The following LMX1A variants were observed in gnomAD, a reference collection of about 807,000 sequenced individuals.
LMX1A encodes the protein LIM homeobox transcription factor 1 alpha.
A neutral mutation model predicts 49.1 loss-of-function variants in LMX1A; 15 were observed. The ratio of observed to expected loss-of-function variants is 0.31; its 90% CI spans 0.20 to 0.47. LMX1A has a LOEUF of 0.47. LMX1A is among the 20% of genes least tolerant of loss of function. The probability of loss-of-function intolerance (pLI) is 1.00; values close to 1 mark genes in which losing one functional copy is unlikely to be tolerated. For synonymous variants in LMX1A, 167 were observed against 185.7 expected (o/e 0.90, Z 0.82); for missense variants, 372 against 475.8 (o/e 0.78, Z 2.03).
chr1:165,310,813 A>G (rs993811379), intron 3 of LMX1A, among the ~76,000 whole-genome samples: 3 of 152,268 alleles, frequency 2.0e-5, no homozygotes, highest in African/African-American at 7.2e-5. Context: ...TGCATTGCTC[A>G]GGCATTTGCA....
Position 165,215,567 on chromosome 1 carries a change from C to T in LMX1A, c.497-1754G>A, listed in dbSNP as rs116035744. 4.6e-3 allele frequency among the ~76,000 whole-genome samples: 693 copies of T among 152,290 alleles called. 1 individual carries two copies. The highest frequency in any genetic ancestry group is 7.9e-3 in the Non-Finnish European group (535 of 68,028). On this transcript the variant is annotated intron_variant, in intron 4 of 8. Coordinates refer to ENST00000342310, the MANE Select transcript of LMX1A (RefSeq NM_177398.4). Reference sequence around the variant, plus strand: ...CTCCTGTCCTCCTCTGTGAAGGATGCCCATGGGCCTATGCTGTTTTAGTGT... The same window carrying T: ...CTCCTGTCCTCCTCTGTGAAGGATGTCCATGGGCCTATGCTGTTTTAGTGT...
chr1:165,278,655 T>A (rs1654044434), intron 3 of LMX1A, among the ~76,000 whole-genome samples: 1 of 152,214 alleles, frequency 6.6e-6, no homozygotes, highest in African/African-American at 2.4e-5. Context: ...CACCTTCTTC[T>A]GGCCTACCTC....
At chr1:165,231,616 T>C (rs1652244041) in intron 4 of LMX1A, among the ~76,000 whole-genome samples, 1 of 152,252 alleles carries the variant, frequency 6.6e-6, no homozygotes, top group Non-Finnish European at 1.5e-5. Flanking sequence ...CTTTTCTTTA[T>C]ACTAGAAGAG....
At chr1:165,264,346 T>C (rs1653548346) in intron 3 of LMX1A, among the ~76,000 whole-genome samples, 1 of 152,132 alleles carries the variant, frequency 6.6e-6, no homozygotes, top group Non-Finnish European at 1.5e-5. Flanking sequence ...AAAATCCCTG[T>C]GAAACAGGAT....
chr1:165,291,512 T>A (rs1654466134), intron 3 of LMX1A, among the ~76,000 whole-genome samples: 1 of 152,216 alleles, frequency 6.6e-6, no homozygotes, highest in African/African-American at 2.4e-5. Context: ...GCATGTCTAA[T>A]CATCTATGAC....
chr1:165,333,049 G>A (rs905773570), intron 3 of LMX1A, among the ~76,000 whole-genome samples: 2 of 152,148 alleles, frequency 1.3e-5, no homozygotes, highest in Non-Finnish European at 2.9e-5. Flanking sequence ...TTGGAGCCTC[G>A]ATTTCCTTAT....
intron 4 of LMX1A, among the ~76,000 whole-genome samples, chr1:165,245,410 C>A (rs1303368967): frequency 6.6e-6 from 1 of 152,236 alleles, no homozygotes; most frequent in Non-Finnish European, 1.5e-5. Context: ...TACGTTGAAC[C>A]AAAATCTGTC....
intron 4 of LMX1A, among the ~76,000 whole-genome samples, chr1:165,219,398 C>A (rs985127005): frequency 6.6e-6 from 1 of 151,952 alleles, no homozygotes; most frequent in Admixed American, 6.5e-5. Context: ...TCATAAATGT[C>A]TTTTAGACAG....
intron 3 of LMX1A, among the ~76,000 whole-genome samples, chr1:165,255,700 T>G (rs1653211214): frequency 6.6e-6 from 1 of 152,140 alleles, no homozygotes. Context: ...CTGGTCAGGT[T>G]CAGTGGCTCA....
chr1:165,256,226 C>G (rs1413536452), intron 3 of LMX1A, among the ~76,000 whole-genome samples: 1 of 152,102 alleles, frequency 6.6e-6, no homozygotes, highest in Non-Finnish European at 1.5e-5. Flanking sequence ...GCCATCCTGC[C>G]CTAGGTGAGG....
intron 4 of LMX1A, among the ~76,000 whole-genome samples, chr1:165,219,541 C>T (rs1187734608): frequency 6.6e-6 from 1 of 152,136 alleles, no homozygotes; most frequent in Non-Finnish European, 1.5e-5. Context: ...ACTAAAATTC[C>T]ATTCTCCCTG....
At chr1:165,235,207 G>A (rs574478736) in intron 4 of LMX1A, among the ~76,000 whole-genome samples, 305 of 152,228 alleles carry the variant, frequency 2.0e-3, no homozygotes, top group African/African-American at 6.9e-3. Context: ...CAGAAGACCC[G>A]GGAGCTAGGA....
rs574623463 is a variant in LMX1A at position 165,302,463 on chromosome 1, A to G, written c.263+50613T>C. On this transcript the variant is annotated intron_variant, in intron 3 of 8. Coordinates refer to ENST00000342310, the MANE Select transcript of LMX1A (RefSeq NM_177398.4). ...CATCAAAAAAAATAAAATAAAATAA[A>G]GGAAAAAAAAGAAAGAAAAGAAAAG... Among the ~76,000 whole-genome samples, 4 of 152,188 alleles carry G rather than the reference A, an allele frequency of 2.6e-5. No individual in the cohort carries two copies. In the South Asian group the frequency reaches 8.3e-4, roughly 32 times the overall value.
chr1:165,343,798 T>A (rs947825804), intron 3 of LMX1A, among the ~76,000 whole-genome samples: 1 of 152,192 alleles, frequency 6.6e-6, no homozygotes, highest in Non-Finnish European at 1.5e-5. Context: ...TCCTACAAAG[T>A]GTTATTTGCA....
At chr1:165,324,628 A>G (rs2101746859) in intron 3 of LMX1A, among the ~76,000 whole-genome samples, 1 of 152,314 alleles carries the variant, frequency 6.6e-6, no homozygotes, top group Non-Finnish European at 1.5e-5. Flanking sequence ...GTTTTGGATT[A>G]ATAAAATAAT....
intron 4 of LMX1A, among the ~76,000 whole-genome samples, chr1:165,236,006 A>C (rs1330796987): frequency 6.6e-6 from 1 of 152,188 alleles, no homozygotes; most frequent in Non-Finnish European, 1.5e-5. Context: ...CGGGTCCCGC[A>C]GCCCGGCCCG....
chr1:165,266,440 T>C (rs940507737), intron 3 of LMX1A, among the ~76,000 whole-genome samples: 27 of 151,906 alleles, frequency 1.8e-4, no homozygotes, highest in African/African-American at 6.5e-4. Flanking sequence ...AGGTAAGAGC[T>C]GAGATTAGAG....
chr1:165,322,526 A>C (rs1446231282), intron 3 of LMX1A, among the ~76,000 whole-genome samples: 1 of 152,226 alleles, frequency 6.6e-6, no homozygotes, highest in Admixed American at 6.5e-5. Context: ...TACATGCTCC[A>C]GCATGGATGA....
Position 165,355,451 on chromosome 1 carries a change from A to G in LMX1A, c.76+33T>C, listed in dbSNP as rs1393868817. 1 of 1,606,056 alleles carries G rather than the reference A, an allele frequency of 6.2e-7. No homozygotes were observed. Among genetic ancestry groups the G allele is most frequent in the Non-Finnish European group, 8.5e-7 (1 of 1,173,492 alleles). On this transcript the variant is annotated intron_variant, in intron 2 of 8. Coordinates refer to ENST00000342310, the MANE Select transcript of LMX1A (RefSeq NM_177398.4). This position sits in a 1 kb window ranked among gnomAD's most constrained non-coding sequence, Gnocchi z 4.7. ...AGAGCTCAGCGCCAAGCGGAAAGAGAGTGCGCCCAGGACGCACGGCCTGAA... is the reference window on the plus strand; with the variant it reads ...AGAGCTCAGCGCCAAGCGGAAAGAGGGTGCGCCCAGGACGCACGGCCTGAA...
Sources: gnomAD v4.1 joint callset for allele counts (sites outside exome capture counted in the v4.1 genomes callset) on GRCh38, gnomAD v4.1.1 for gene constraint, Gnocchi (gnomAD v3.1) non-coding constraint, MANE v1.5 for transcripts, NCBI Gene and HGNC (gene_info 2026-07-23, HGNC 2026-07-21) for gene names.